The following ELK3 variants were observed in gnomAD, a reference collection of about 807,000 sequenced individuals.
ELK3 encodes ETS transcription factor ELK3, also known as ETS domain-containing protein Elk-3.
Under a neutral mutation model 28.9 loss-of-function variants are expected in ELK3, and 10 were observed. The ratio of observed to expected loss-of-function variants is 0.35; its 90% CI spans 0.21 to 0.59. ELK3 has a LOEUF of 0.59. Among genes scored for constraint, ELK3 ranks in the 20% least tolerant of loss-of-function variants. The pLI, the probability that ELK3 is intolerant of heterozygous loss-of-function variation, is 0.82. For synonymous variants in ELK3, 272 were observed against 243.5 expected (o/e 1.12, Z -1.09); for missense variants, 463 against 517.3 (o/e 0.90, Z 1.02).
intron 3 of ELK3, among the ~76,000 whole-genome samples, chr12:96,259,349 C>T (rs1332790546): frequency 1.3e-4 from 19 of 151,970 alleles, no homozygotes; most frequent in Admixed American, 1.1e-3. Flanking sequence ...GTCAGGAGTT[C>T]GAGACCAGCC....
At chr12:96,261,779 C>T (rs776506127) in intron 4 of ELK3, among the ~76,000 whole-genome samples, 2 of 152,174 alleles carry the variant, frequency 1.3e-5, no homozygotes, top group Non-Finnish European at 2.9e-5. Flanking sequence ...TCCAGCCCAA[C>T]ACTCCCAACA....
chr12:96,260,883 T>A (rs777716383), intron 4 of ELK3, among the ~76,000 whole-genome samples: 1 of 152,212 alleles, frequency 6.6e-6, no homozygotes, highest in Non-Finnish European at 1.5e-5. Context: ...CTTTGTATTA[T>A]GATTGCCTGT....
Position 96,269,094 on chromosome 12 carries a change from C to G in ELK3, c.*1914C>G, listed in dbSNP as rs1952065129. 1 of 152,206 alleles carries G rather than the reference C, an allele frequency of 6.6e-6. No homozygotes were observed. The highest frequency in any genetic ancestry group is 2.1e-4 in the South Asian group (1 of 4,824). The allele number at this position is 152,206 out of a possible 1,614,324, so 9.4% of individuals were successfully genotyped here. ...GCTCAAGACAGGTGCACAGCAGAAG[C>G]TGGGAGTTGCCTATGGCTGCACAGC... On this transcript the variant is annotated 3_prime_UTR_variant, in exon 5 of 5. Transcript: ENST00000228741.
intron 2 of ELK3, among the ~76,000 whole-genome samples, chr12:96,246,296 C>A (rs541274059): frequency 6.6e-6 from 1 of 152,290 alleles, no homozygotes; most frequent in South Asian, 2.1e-4. Context: ...AGTCACAACA[C>A]CTTCCTTTTA....
At chr12:96,216,468 T>C (rs964497460) in intron 1 of ELK3, among the ~76,000 whole-genome samples, 2 of 152,244 alleles carry the variant, frequency 1.3e-5, no homozygotes, top group Non-Finnish European at 2.9e-5. Context: ...AACAGAAGCA[T>C]ACTCCAAGTC....
chr12:96,252,329 A>G (rs1311334687), intron 3 of ELK3, among the ~76,000 whole-genome samples: 3 of 152,188 alleles, frequency 2.0e-5, no homozygotes, highest in Non-Finnish European at 2.9e-5. Context: ...TACAACATCC[A>G]TTCTACAACC....
chr12:96,229,080 A>G (rs1343325708), intron 2 of ELK3, among the ~76,000 whole-genome samples: 1 of 152,224 alleles, frequency 6.6e-6, no homozygotes, highest in African/African-American at 2.4e-5. Flanking sequence ...TACCTCGGAC[A>G]GGGTCTGGCA....
chr12:96,207,784 G>A (rs1234538592), intron 1 of ELK3, among the ~76,000 whole-genome samples: 2 of 152,162 alleles, frequency 1.3e-5, no homozygotes, highest in African/African-American at 2.4e-5. Context: ...ACCTTGACAT[G>A]TTTTGGCAAA....
At position 96,267,208 on chromosome 12, in the gene ELK3, T is replaced by C. The variant is rs1952040551; in HGVS notation, c.*28T>C. 6.3e-7 allele frequency: 1 copy of C among 1,593,816 alleles called. No homozygotes were observed. Among genetic ancestry groups the C allele is most frequent in the Non-Finnish European group, 8.6e-7 (1 of 1,168,536 alleles). ...ACGTCTGGCCACAATTAAGGACTCATTAACTGATGAAACAAATTTGTCCCC... is the reference window on the plus strand; with the variant it reads ...ACGTCTGGCCACAATTAAGGACTCACTAACTGATGAAACAAATTTGTCCCC... On this transcript the variant is annotated 3_prime_UTR_variant, in exon 5 of 5. Transcript: ENST00000228741.
At chr12:96,257,065 TA>T (rs1395399204) in intron 3 of ELK3, among the ~76,000 whole-genome samples, 1 of 152,226 alleles carries the variant, frequency 6.6e-6, no homozygotes, top group Non-Finnish European at 1.5e-5. Context: ...CCATGCTTGT[TA>T]AAACGAGACT....
At chr12:96,233,045 G>C (rs1276533415) in intron 2 of ELK3, among the ~76,000 whole-genome samples, 1 of 152,160 alleles carries the variant, frequency 6.6e-6, no homozygotes, top group Non-Finnish European at 1.5e-5. Flanking sequence ...TCCTCTTACT[G>C]TTCTTGGCAT....
chr12:96,259,844 G>A lies in ELK3; in HGVS notation c.1116G>A (p.Thr372=), dbSNP rs148098591. Residue 372 remains threonine (T), a synonymous_variant, in exon 4 of 5, where the codon ACG becomes ACA. Transcript: ENST00000228741. ...CTGCCAGGCTGCAAGGGCCAAGCAC[G>A]CTGTTCCAGGTGAGCGTTTGGAAAT... ...LSPARLQGPS[T]LFQFPTLLNG... 1.0e-4 allele frequency: 159 copies of A among 1,597,810 alleles called. No individual in the cohort carries two copies. The highest frequency in any genetic ancestry group is 1.1e-4 in the Non-Finnish European group (132 of 1,173,624).
intron 1 of ELK3, among the ~76,000 whole-genome samples, chr12:96,217,176 A>T (rs1592674388): frequency 6.6e-6 from 1 of 152,236 alleles, no homozygotes. Context: ...GTTTGACCCC[A>T]GGAGGCTGAG....
At chr12:96,250,684 C>A (rs1182590155) in intron 3 of ELK3, among the ~76,000 whole-genome samples, 1 of 152,180 alleles carries the variant, frequency 6.6e-6, no homozygotes, top group African/African-American at 2.4e-5. Flanking sequence ...TTCCTCTTAC[C>A]TGAGCACTTT....
At chr12:96,254,082 TA>T (rs1565791524) in intron 3 of ELK3, among the ~76,000 whole-genome samples, 1 of 152,228 alleles carries the variant, frequency 6.6e-6, no homozygotes, top group Non-Finnish European at 1.5e-5. Flanking sequence ...TCCCAATATT[TA>T]GGGAGGCCAA....
At position 96,215,499 on chromosome 12, in the gene ELK3, G is replaced by A. The variant is rs185998187; in HGVS notation, c.-2-8066G>A. On this transcript the variant is annotated intron_variant, in intron 1 of 4. Coordinates refer to ENST00000228741, the MANE Select transcript of ELK3 (RefSeq NM_005230.4). The stretch of plus-strand genomic sequence containing the variant: ...ACCTGACAGCTCTCACGTAGGCGGA[G>A]GCGGGCACAGCGTAATGAGAATGAT... 3.1e-3 allele frequency among the ~76,000 whole-genome samples: 469 copies of A among 152,254 alleles called. 5 individuals carry two copies. Among genetic ancestry groups the A allele is most frequent in the African/African-American group, 0.011 (455 of 41,550 alleles).
intron 2 of ELK3, among the ~76,000 whole-genome samples, chr12:96,239,409 T>G (rs981012040): frequency 6.6e-6 from 1 of 152,156 alleles, no homozygotes; most frequent in Admixed American, 6.5e-5. Flanking sequence ...ATTGTATGGC[T>G]CTCCCAATAT....
intron 1 of ELK3, among the ~76,000 whole-genome samples, chr12:96,207,322 G>A (rs749134967): frequency 6.6e-6 from 1 of 152,192 alleles, no homozygotes; most frequent in Admixed American, 6.5e-5. Flanking sequence ...AAATGTGAGC[G>A]AGACATAGGC....
At chr12:96,196,758 T>G (rs1197808617) in intron 1 of ELK3, among the ~76,000 whole-genome samples, 1 of 151,868 alleles carries the variant, frequency 6.6e-6, no homozygotes, top group Non-Finnish European at 1.5e-5. Context: ...TTTTTTTTTT[T>G]TTTTTTTTTT....
Sources: gnomAD v4.1 joint callset for allele counts (sites outside exome capture counted in the v4.1 genomes callset) on GRCh38, gnomAD v4.1.1 for gene constraint, MANE v1.5 for transcripts, NCBI Gene and HGNC (gene_info 2026-07-23, HGNC 2026-07-21) for gene names.